Variants in CNTLN observed in about 807,000 individuals in gnomAD.
CNTLN encodes centlein.
CNTLN carries 212 observed loss-of-function variants against 180.0 expected under a neutral mutation model. That is an observed-to-expected ratio of 1.18 (90% CI 1.05 to 1.32). The LOEUF (loss-of-function observed/expected upper bound fraction) is 1.32. Among genes scored for constraint, CNTLN ranks in the 40% most tolerant of loss-of-function variants. The pLI is 0.00. For missense variants in CNTLN, 2,095 were observed against 1,610.9 expected (o/e 1.30, Z -5.14); for synonymous variants, 722 against 563.1 (o/e 1.28, Z -3.99).
intron 13 of CNTLN, among the ~76,000 whole-genome samples, chr9:17,374,674 A>G (rs765878639): frequency 3.3e-5 from 5 of 152,138 alleles, no homozygotes; most frequent in Non-Finnish European, 7.4e-5. Flanking sequence ...AGCCTGGCCA[A>G]CATGGTGAAA....
At chr9:17,449,895 C>T (rs1368333642) in intron 18 of CNTLN, among the ~76,000 whole-genome samples, 1 of 152,124 alleles carries the variant, frequency 6.6e-6, no homozygotes, top group Non-Finnish European at 1.5e-5. Context: ...TATTTTTGGT[C>T]TTTCAGAATT....
intron 18 of CNTLN, among the ~76,000 whole-genome samples, chr9:17,435,329 G>C (rs983614555): frequency 1.3e-5 from 2 of 152,118 alleles, no homozygotes; most frequent in Admixed American, 6.6e-5. Context: ...TTCCAATAAT[G>C]CTTTCTGGAC....
At chr9:17,174,698 GAA>G (rs34784210) in intron 2 of CNTLN, among the ~76,000 whole-genome samples, 13 of 124,388 alleles carry the variant, frequency 1.0e-4, no homozygotes, top group East Asian at 4.4e-4. Flanking sequence ...TCCGTCTCAG[GAA>G]AAAAAAAAAA....
intron 2 of CNTLN, among the ~76,000 whole-genome samples, chr9:17,212,066 C>T (rs1300720845): frequency 6.6e-6 from 1 of 152,134 alleles, no homozygotes; most frequent in Non-Finnish European, 1.5e-5. Context: ...TGCCTTATTG[C>T]CCTGGCCAGA....
chr9:17,395,153 C>A (rs1826422966), intron 15 of CNTLN, 84 bp downstream of exon 15: 8 of 1,476,524 alleles, frequency 5.4e-6, no homozygotes, highest in African/African-American at 1.4e-5. Flanking sequence ...ATTTCAACTA[C>A]TGTCGATTTG....
At chr9:17,242,873 G>C (rs538360378) in intron 5 of CNTLN, among the ~76,000 whole-genome samples, 1 of 152,218 alleles carries the variant, frequency 6.6e-6, no homozygotes, top group South Asian at 2.1e-4. Flanking sequence ...GAATGAGTTT[G>C]GAAGTATTCC....
chr9:17,317,486 G>A (rs959916592), intron 8 of CNTLN, among the ~76,000 whole-genome samples: 1 of 152,134 alleles, frequency 6.6e-6, no homozygotes, highest in Non-Finnish European at 1.5e-5. Flanking sequence ...TCTTGGTGAT[G>A]AAGAGCTGTT....
intron 5 of CNTLN, among the ~76,000 whole-genome samples, chr9:17,272,021 C>A (rs1261120193): frequency 7.1e-6 from 1 of 139,926 alleles, no homozygotes; most frequent in Non-Finnish European, 1.5e-5. Flanking sequence ...TCCCCTCCCT[C>A]CCTCCCTTCC....
chr9:17,467,602 T>G (rs1430960851), intron 23 of CNTLN, among the ~76,000 whole-genome samples: 1 of 151,660 alleles, frequency 6.6e-6, no homozygotes, highest in Non-Finnish European at 1.5e-5. Context: ...ATATTTCAAC[T>G]GGTGTGAAGT....
At chr9:17,475,933 T>C (rs1379311640) in intron 23 of CNTLN, among the ~76,000 whole-genome samples, 1 of 151,936 alleles carries the variant, frequency 6.6e-6, no homozygotes, top group Admixed American at 6.5e-5. Context: ...ACATACCTCA[T>C]TTTATTGTGT....
At chr9:17,260,337 G>A (rs1450980839) in intron 5 of CNTLN, among the ~76,000 whole-genome samples, 1 of 151,164 alleles carries the variant, frequency 6.6e-6, no homozygotes, top group Admixed American at 6.6e-5. Context: ...TGTGGTCTGA[G>A]AGATAGTTTT....
chr9:17,495,129 C>T (rs1325275609), intron 25 of CNTLN: 2 of 343,396 alleles, frequency 5.8e-6, no homozygotes, highest in South Asian at 4.5e-5. Flanking sequence ...ATCTGCCTGC[C>T]TCAGCCTCTC....
intron 12 of CNTLN, among the ~76,000 whole-genome samples, chr9:17,346,275 AGCATGAGAACT>A (rs1821885958): frequency 6.6e-6 from 1 of 151,956 alleles, no homozygotes; most frequent in Non-Finnish European, 1.5e-5. Context: ...GCATGAGAAC[AGCATGAGAACT>A]GCCCCCATGA....
rs552517408 is a variant in CNTLN, at chr9:17,262,289, A to G, written c.850-11444A>G. ...ACACATGCACACGTATGTTTATTGC[A>G]GCACTATGTACAATAGCAAAGACTT... is the stretch of plus-strand genomic sequence containing the variant. On this transcript the variant is annotated intron_variant, in intron 5 of 25. Transcript: ENST00000380647. 2.6e-5 allele frequency among the ~76,000 whole-genome samples: 4 copies of G among 151,534 alleles called. No individual in the cohort carries two copies. In the East Asian group the frequency reaches 7.7e-4, roughly 29 times the overall value.
intron 2 of CNTLN, among the ~76,000 whole-genome samples, chr9:17,207,872 T>G (rs1014940247): frequency 2.8e-4 from 43 of 152,174 alleles, no homozygotes; most frequent in Non-Finnish European, 6.2e-4. Flanking sequence ...TTGTGGAGTC[T>G]TTAGGTTTTT....
At chr9:17,284,589 T>C (rs1828863919) in intron 6 of CNTLN, among the ~76,000 whole-genome samples, 1 of 152,208 alleles carries the variant, frequency 6.6e-6, no homozygotes, top group Non-Finnish European at 1.5e-5. Flanking sequence ...TGTATTTCTG[T>C]GGGGTCAGTG....
chr9:17,295,787 G>A (rs958443988), intron 6 of CNTLN, among the ~76,000 whole-genome samples: 1 of 152,030 alleles, frequency 6.6e-6, no homozygotes, highest in African/African-American at 2.4e-5. Flanking sequence ...GTACTTTCCC[G>A]AGGGTTGTGT....
intron 18 of CNTLN, among the ~76,000 whole-genome samples, chr9:17,427,639 A>G (rs1829174587): frequency 6.6e-6 from 1 of 152,042 alleles, no homozygotes; most frequent in Admixed American, 6.6e-5. Flanking sequence ...TCCTTTTCCC[A>G]CTTAATATTT....
At position 17,494,733 on chromosome 9, in the gene CNTLN, C is replaced by A. The variant is rs188500828; in HGVS notation, c.4119+7667C>A. Among the ~76,000 whole-genome samples, 379 of 152,246 alleles carry A rather than the reference C, an allele frequency of 2.5e-3. 2 individuals are homozygous for A. Among genetic ancestry groups the A allele is most frequent in the Non-Finnish European group, 2.4e-3 (165 of 68,028 alleles). On this transcript the variant is annotated intron_variant, in intron 25 of 25. Coordinates refer to ENST00000380647, the MANE Select transcript of CNTLN (RefSeq NM_017738.4). ...TAAGGTTGTAGCACAACACATTACT[C>A]TCGTTTGTGGTAATGCTGGTGTAAA...
Sources: gnomAD v4.1 joint callset for allele counts (sites outside exome capture counted in the v4.1 genomes callset) on GRCh38, gnomAD v4.1.1 for gene constraint, MANE v1.5 for transcripts, NCBI Gene and HGNC (gene_info 2026-07-23, HGNC 2026-07-21) for gene names.